Variants in FAM135B observed in about 807,000 individuals in gnomAD.
FAM135B encodes protein FAM135B.
Under a neutral mutation model 127.7 loss-of-function variants are expected in FAM135B, and 43 were observed. That is an observed-to-expected ratio of 0.34 (90% confidence interval 0.26 to 0.43). The LOEUF is 0.43. Ranked by LOEUF, FAM135B falls within the 20% of genes least tolerant of loss-of-function variation. The probability of loss-of-function intolerance (pLI) is 1.00; values close to 1 mark genes in which losing one functional copy is unlikely to be tolerated. For synonymous variants in FAM135B, 670 were observed against 665.1 expected (o/e 1.01, Z -0.11); for missense variants, 1,558 against 1,725.6 (o/e 0.90, Z 1.72).
intron 12 of FAM135B, among the ~76,000 whole-genome samples, chr8:138,167,162 T>C (rs1315474899): frequency 2.6e-5 from 4 of 151,978 alleles, no homozygotes; most frequent in African/African-American, 7.2e-5. Flanking sequence ...ATACAGACAG[T>C]TGCCCAAATG....
intron 17 of FAM135B, among the ~76,000 whole-genome samples, chr8:138,140,412 C>T (rs190359497): frequency 2.4e-4 from 37 of 152,270 alleles, no homozygotes; most frequent in East Asian, 7.7e-4. Context: ...ATTTAATAAA[C>T]GATTTGTTAT....
chr8:138,377,725 G>C (rs1831574746), intron 1 of FAM135B, among the ~76,000 whole-genome samples: 1 of 152,178 alleles, frequency 6.6e-6, no homozygotes, highest in South Asian at 2.1e-4. Flanking sequence ...TCTTGAGATA[G>C]CCATACTCAA....
At chr8:138,406,999 T>C in intron 1 of FAM135B, among the ~76,000 whole-genome samples, 1 of 150,350 alleles carries the variant, frequency 6.7e-6, no homozygotes. Flanking sequence ...ATTGTATATC[T>C]AGAAAACCCC....
rs555078797 is a variant in FAM135B at position 138,386,623 on chromosome 8, A to ATT, written c.-19-18622_-19-18621insAA. On this transcript the variant is annotated intron_variant, in intron 1 of 19. Coordinates refer to ENST00000395297, the MANE Select transcript of FAM135B (RefSeq NM_015912.4). Reference sequence around the variant, plus strand: ...TTTATTACACTTTATACTGGCCTAGATATTAATCTTTATAAAATGACAATG... The same window carrying ATT: ...TTTATTACACTTTATACTGGCCTAGATTTATTAATCTTTATAAAATGACAATG... Among the ~76,000 whole-genome samples, 28 of 152,354 alleles carry ATT rather than the reference A, an allele frequency of 1.8e-4. No individual in the cohort carries two copies. In the East Asian group the frequency reaches 5.4e-3, roughly 29 times the overall value.
intron 6 of FAM135B, among the ~76,000 whole-genome samples, chr8:138,244,228 A>T (rs1202872225): frequency 6.6e-6 from 1 of 152,170 alleles, no homozygotes; most frequent in African/African-American, 2.4e-5. Context: ...AGCAAAGGAA[A>T]CCAATAGATG....
rs1445324574 is a variant in FAM135B, at chr8:138,195,180, T to C, written c.873+78A>G. On this transcript the variant is annotated intron_variant, in intron 9 of 19. Coordinates refer to ENST00000395297, the MANE Select transcript of FAM135B (RefSeq NM_015912.4). ...GTGGTGTCTTTTCACTTCTGTTTTTTACAGCAAGCAAGCAACTGCATTTGC... is the reference window on the plus strand; with the variant it reads ...GTGGTGTCTTTTCACTTCTGTTTTTCACAGCAAGCAAGCAACTGCATTTGC... 1.1e-5 allele frequency: 16 copies of C among 1,434,386 alleles called. No individual in the cohort carries two copies. In the East Asian group the frequency reaches 3.0e-4, roughly 27 times the overall value. 88.9% of individuals were successfully genotyped at this position (1,434,386 alleles called of 1,614,324 possible).
chr8:138,476,525 A>T (rs942205751), intron 1 of FAM135B, among the ~76,000 whole-genome samples: 3 of 152,052 alleles, frequency 2.0e-5, no homozygotes, highest in Admixed American at 1.3e-4. Context: ...TACTCTAAAA[A>T]ATTAAGTCTA....
intron 2 of FAM135B, among the ~76,000 whole-genome samples, chr8:138,342,156 T>C (rs1410436676): frequency 6.6e-6 from 1 of 152,190 alleles, no homozygotes; most frequent in Non-Finnish European, 1.5e-5. Context: ...TTTCTTATAA[T>C]ATAGGGAAAT....
In FAM135B at chr8:138,484,671, G is replaced by A. The variant is rs146052350; in HGVS notation, c.-20+12000C>T. 3.7e-3 allele frequency among the ~76,000 whole-genome samples: 566 copies of A among 152,080 alleles called. 1 individual carries two copies. Among genetic ancestry groups the A allele is most frequent in the Middle Eastern group, 0.014 (4 of 294 alleles). ...CTTCCTAATTCAATGTTAATCTGTCGCTGAAAAATGGTTTTATTATCATTC... is the reference window on the plus strand; with the variant it reads ...CTTCCTAATTCAATGTTAATCTGTCACTGAAAAATGGTTTTATTATCATTC... On this transcript the variant is annotated intron_variant, in intron 1 of 19. Coordinates refer to ENST00000395297, the MANE Select transcript of FAM135B (RefSeq NM_015912.4).
At chr8:138,175,725 C>A (rs4909745) in intron 11 of FAM135B, among the ~76,000 whole-genome samples, 37 of 150,194 alleles carry the variant, frequency 2.5e-4, no homozygotes, top group Admixed American at 2.4e-3. Flanking sequence ...ATTACTACCC[C>A]ATTTCTCTTC....
In FAM135B at chr8:138,367,888, A is replaced by C. The variant is rs781027161; in HGVS notation, c.77+19T>G. ...ACACACACACACACACACACACACAAATTGTAAAGCATACTTACCCTCTCT... is the reference window on the plus strand; with the variant it reads ...ACACACACACACACACACACACACACATTGTAAAGCATACTTACCCTCTCT... On this transcript the variant is annotated intron_variant, in intron 2 of 19. Coordinates refer to ENST00000395297, the MANE Select transcript of FAM135B (RefSeq NM_015912.4). 4.6e-6 allele frequency: 7 copies of C among 1,518,618 alleles called. No individual in the cohort carries two copies. Among genetic ancestry groups the C allele is most frequent in the Non-Finnish European group, 4.5e-6 (5 of 1,108,220 alleles). 94.1% of individuals were successfully genotyped at this position (1,518,618 alleles called of 1,614,324 possible).
chr8:138,485,854 C>T (rs1292419427), intron 1 of FAM135B, among the ~76,000 whole-genome samples: 1 of 152,014 alleles, frequency 6.6e-6, no homozygotes, highest in East Asian at 1.9e-4. Context: ...AGAGACGAGG[C>T]CATGTTCGAC....
chr8:138,377,588 C>T (rs1363981995), intron 1 of FAM135B, among the ~76,000 whole-genome samples: 1 of 152,164 alleles, frequency 6.6e-6, no homozygotes, highest in Non-Finnish European at 1.5e-5. Flanking sequence ...CCCACTCCCT[C>T]CATAACACCA....
Position 138,384,229 on chromosome 8 carries a change from C to T in FAM135B, c.-19-16227G>A, listed in dbSNP as rs1043164378. Among the ~76,000 whole-genome samples, 14 of 152,272 alleles carry T rather than the reference C, an allele frequency of 9.2e-5. No homozygotes were observed. The South Asian group carries it at 2.3e-3, about 25-fold the overall frequency. ...TTGATGTCTGACTGTTGCAATGGGC[C>T]GGGCCTACCCAAAGTGACTGAACCC... On this transcript the variant is annotated intron_variant, in intron 1 of 19. Coordinates refer to ENST00000395297, the MANE Select transcript of FAM135B (RefSeq NM_015912.4).
chr8:138,485,073 G>A (rs1180297261), intron 1 of FAM135B, among the ~76,000 whole-genome samples: 1 of 152,160 alleles, frequency 6.6e-6, no homozygotes, highest in Non-Finnish European at 1.5e-5. Context: ...TAATTTTCCA[G>A]ATAACTAATA....
intron 1 of FAM135B, among the ~76,000 whole-genome samples, chr8:138,457,202 C>T (rs1836836178): frequency 6.6e-6 from 1 of 152,012 alleles, no homozygotes; most frequent in South Asian, 2.1e-4. Context: ...TGTGTGCCGA[C>T]ACACAGAGGG....
At chr8:138,236,491 C>T (rs948532436) in intron 7 of FAM135B, among the ~76,000 whole-genome samples, 2 of 152,022 alleles carry the variant, frequency 1.3e-5, no homozygotes, top group Non-Finnish European at 2.9e-5. Flanking sequence ...GTATCACAAC[C>T]TTCTTTGGTT....
At chr8:138,489,193 C>A (rs1310351490) in intron 1 of FAM135B, among the ~76,000 whole-genome samples, 1 of 152,172 alleles carries the variant, frequency 6.6e-6, no homozygotes, top group Non-Finnish European at 1.5e-5. Flanking sequence ...ACCTGAAACT[C>A]CACGCATTCA....
chr8:138,153,586 C>A (rs1404191842), intron 12 of FAM135B, among the ~76,000 whole-genome samples: 1 of 152,190 alleles, frequency 6.6e-6, no homozygotes, highest in African/African-American at 2.4e-5. Context: ...ACACTCCCAC[C>A]CTAATACTGC....
Sources: gnomAD v4.1 joint callset for allele counts (sites outside exome capture counted in the v4.1 genomes callset) on GRCh38, gnomAD v4.1.1 for gene constraint, MANE v1.5 for transcripts, NCBI Gene and HGNC (gene_info 2026-07-23, HGNC 2026-07-21) for gene names.